MCF2: variants seen among roughly 807,000 people sequenced by gnomAD.
MCF2 encodes the protein proto-oncogene DBL.
MCF2 carries 44 observed loss-of-function variants against 82.5 expected under a neutral mutation model. That is an observed-to-expected ratio of 0.53 (90% CI 0.42 to 0.69). The LOEUF is 0.69. Among genes scored for constraint, MCF2 ranks in the 30% least tolerant of loss-of-function variants. MCF2 has a pLI of 0.00. For missense variants in MCF2, 623 were observed against 663.1 expected (o/e 0.94, Z 0.66); for synonymous variants, 217 against 224.9 (o/e 0.96, Z 0.32).
chrX:139,589,326 T>C (rs1929282617), intron 20 of MCF2, among the ~76,000 whole-genome samples: 1 of 112,164 alleles, frequency 8.9e-6, no homozygotes, highest in Non-Finnish European at 1.9e-5. Context: ...CAACTCCAGA[T>C]ACAAATATTT....
At chrX:139,632,314 A>T in intron 2 of MCF2, 21 bp downstream of exon 5, 1 of 1,163,451 alleles carries the variant, frequency 8.6e-7, no homozygotes, top group South Asian at 1.9e-5. Flanking sequence ...GGAACAAAAC[A>T]TTTAAATAAT....
intron 1 of MCF2, chrX:139,692,117 T>C (rs1487272223): frequency 1.6e-5 from 19 of 1,157,389 alleles, no homozygotes; most frequent in East Asian, 3.3e-5. Flanking sequence ...AAGCGGCAGC[T>C]TGGGGCATGT....
At chrX:139,688,729 G>C (rs915041171) in intron 1 of MCF2, among the ~76,000 whole-genome samples, 2 of 111,123 alleles carry the variant, frequency 1.8e-5, no homozygotes, top group African/African-American at 6.6e-5. Context: ...TAAAGAACAA[G>C]TCTGAAAGGT....
At chrX:139,582,563 AGAGCAG>A in intron 24 of MCF2, 60 bp from the exon 29 acceptor site, 3 of 872,715 alleles carry the variant, frequency 3.4e-6, no homozygotes, top group Non-Finnish European at 5.0e-6. Context: ...TGAAGCCAAA[AGAGCAG>A]GTCATTCCAG....
chrX:139,584,092 A>G (rs1211452568), intron 24 of MCF2, among the ~76,000 whole-genome samples: 1 of 108,013 alleles, frequency 9.3e-6, no homozygotes, highest in East Asian at 2.9e-4. Context: ...TTCAGAGTCA[A>G]TGCTGTACAG....
chrX:139,648,214 A>G (rs1224705140), intron 2 of MCF2, among the ~76,000 whole-genome samples: 1 of 110,088 alleles, frequency 9.1e-6, no homozygotes, highest in Non-Finnish European at 1.9e-5. Flanking sequence ...TCTACCAAAA[A>G]TACAAAAATT....
upstream of MCF2, among the ~76,000 whole-genome samples, chrX:139,646,607 TG>T: frequency 2.7e-5 from 3 of 112,008 alleles, no homozygotes; most frequent in Admixed American, 2.9e-4. Flanking sequence ...GGATAATTTT[TG>T]TAACAATTTA....
intron 10 of MCF2, among the ~76,000 whole-genome samples, chrX:139,613,504 T>G (rs1016583002): frequency 9.0e-6 from 1 of 111,553 alleles, no homozygotes; most frequent in African/African-American, 3.2e-5. Context: ...TTATCAAGTA[T>G]TTTTTTATAG....
At chrX:139,609,926 G>A (rs937855426) in intron 11 of MCF2, among the ~76,000 whole-genome samples, 1 of 112,785 alleles carries the variant, frequency 8.9e-6, no homozygotes, top group East Asian at 2.8e-4. Context: ...AACCTGTCCT[G>A]TGTGCTTCAT....
chrX:139,616,418 T>C, exon 9 of MCF2: 1 of 1,180,848 alleles, frequency 8.5e-7, no homozygotes, highest in South Asian at 2.0e-5. Flanking sequence ...AGACTGAAAC[T>C]TATCTATTTC....
intron 1 of MCF2, among the ~76,000 whole-genome samples, chrX:139,679,815 C>A (rs1024344607): frequency 9.0e-6 from 1 of 111,001 alleles, no homozygotes; most frequent in Non-Finnish European, 1.9e-5. Flanking sequence ...TCCACCTCTT[C>A]AGGTCCTGAC....
At chrX:139,662,287 T>C (rs950182215) in intron 1 of MCF2, among the ~76,000 whole-genome samples, 1 of 108,205 alleles carries the variant, frequency 9.2e-6, no homozygotes, top group Non-Finnish European at 1.9e-5. Context: ...CTCCCTAAAT[T>C]GATATACAGA....
intron 3 of MCF2, among the ~76,000 whole-genome samples, chrX:139,631,054 A>G (rs1246825011): frequency 1.8e-5 from 2 of 111,873 alleles, no homozygotes; most frequent in Non-Finnish European, 3.8e-5. Context: ...CCAAGGTCAT[A>G]TAACTAAAAA....
Position 139,637,064 on chromosome X carries a change from A to T in MCF2, c.52-4610T>A, listed in dbSNP as rs746979258. ...AAAGAAAATGCACCATCAAAGGATGAAAACTTCATTTATTGACTACATAAT... is the reference window on the plus strand; with the variant it reads ...AAAGAAAATGCACCATCAAAGGATGTAAACTTCATTTATTGACTACATAAT... On this transcript the variant is annotated intron_variant, in intron 1 of 24. Transcript: ENST00000370576. 1.0e-2 allele frequency among the ~76,000 whole-genome samples: 1,120 copies of T among 112,114 alleles called. 10 individuals carry two copies. Among genetic ancestry groups the T allele is most frequent in the African/African-American group, 0.033 (1,026 of 30,914 alleles).
At chrX:139,613,193 A>G in intron 10 of MCF2, 23 bp downstream of exon 14, 2 of 1,099,729 alleles carry the variant, frequency 1.8e-6, no homozygotes, top group Non-Finnish European at 2.4e-6. Flanking sequence ...TATTGGCAAA[A>G]GTAATATAAT....
chrX:139,645,333 A>T (rs1409581092), upstream of MCF2, among the ~76,000 whole-genome samples: 1 of 110,960 alleles, frequency 9.0e-6, no homozygotes, highest in African/African-American at 3.3e-5. Flanking sequence ...AGAACCATGA[A>T]TCTCTTCTCA....
intron 2 of MCF2, among the ~76,000 whole-genome samples, chrX:139,649,356 A>G (rs1358216307): frequency 8.9e-6 from 1 of 112,006 alleles, no homozygotes; most frequent in Admixed American, 9.5e-5. Flanking sequence ...TTCTGAACCA[A>G]GAGATTTAGT....
At chrX:139,706,797 A>G (rs1409223075) in intron 1 of MCF2, among the ~76,000 whole-genome samples, 1 of 110,475 alleles carries the variant, frequency 9.1e-6, no homozygotes, top group Admixed American at 9.8e-5. Flanking sequence ...TAAACACAAA[A>G]TCAGGGGGGA....
intron 10 of MCF2, among the ~76,000 whole-genome samples, chrX:139,611,107 G>A (rs2148448146): frequency 8.9e-6 from 1 of 112,030 alleles, no homozygotes; most frequent in Non-Finnish European, 1.9e-5. Flanking sequence ...TCCAACCAAA[G>A]ACTAGATTGT....
Sources: gnomAD v4.1 joint callset for allele counts (sites outside exome capture counted in the v4.1 genomes callset) on GRCh38, gnomAD v4.1.1 for gene constraint, MANE v1.5 for transcripts, NCBI Gene and HGNC (gene_info 2026-07-23, HGNC 2026-07-21) for gene names.